NTN1: variants seen among roughly 807,000 people sequenced by gnomAD.
NTN1 encodes the protein netrin-1.
Under a neutral mutation model 54.2 loss-of-function variants are expected in NTN1, and 11 were observed. The observed-to-expected ratio is 0.20, with a 90% CI of 0.13 to 0.34. NTN1 has a LOEUF of 0.34. Among genes scored for constraint, NTN1 ranks in the 10% least tolerant of loss-of-function variants. The pLI is 1.00. For synonymous variants in NTN1, 371 were observed against 382.0 expected (o/e 0.97, Z 0.33); for missense variants, 740 against 893.1 (o/e 0.83, Z 2.18).
chr17:9,123,803 G>GTTTAACT (rs2092237958), intron 2 of NTN1, among the ~76,000 whole-genome samples: 1 of 152,134 alleles, frequency 6.6e-6, no homozygotes, highest in South Asian at 2.1e-4. Flanking sequence ...TCCTATCACA[G>GTTTAACT]TTCTGATTCT....
intron 2 of NTN1, among the ~76,000 whole-genome samples, chr17:9,087,864 C>T (rs527808901): frequency 6.6e-6 from 1 of 152,340 alleles, no homozygotes; most frequent in South Asian, 2.1e-4. Context: ...TTGCAGAATA[C>T]AAAACAGGAG....
At chr17:9,103,473 C>A (rs2092156698) in intron 2 of NTN1, among the ~76,000 whole-genome samples, 1 of 152,030 alleles carries the variant, frequency 6.6e-6, no homozygotes, top group Admixed American at 6.6e-5. Context: ...CTCATGAGAT[C>A]TGATGGTTTT....
chr17:9,220,352 C>T (rs1300501059), intron 5 of NTN1, among the ~76,000 whole-genome samples: 1 of 152,246 alleles, frequency 6.6e-6, no homozygotes, highest in African/African-American at 2.4e-5. Flanking sequence ...GTGGGCTGTG[C>T]CGTCACGTGA....
chr17:9,137,831 G>A (rs1438701722), intron 2 of NTN1, among the ~76,000 whole-genome samples: 1 of 152,186 alleles, frequency 6.6e-6, no homozygotes, highest in Non-Finnish European at 1.5e-5. Flanking sequence ...GGCATCTTGG[G>A]TACTTCCGGC....
chr17:9,057,465 G>A (rs1392788143), intron 2 of NTN1, among the ~76,000 whole-genome samples: 2 of 152,100 alleles, frequency 1.3e-5, no homozygotes, highest in South Asian at 2.1e-4. Flanking sequence ...CTTCCCCGGG[G>A]TTTGCTTTCC....
chr17:9,043,222 T>C (rs559349913), intron 2 of NTN1, among the ~76,000 whole-genome samples: 3 of 152,338 alleles, frequency 2.0e-5, no homozygotes, highest in East Asian at 1.9e-4. Flanking sequence ...TTTCTCACTC[T>C]CTCTTTGCCT....
chr17:9,208,163 C>T (rs1335820984), intron 5 of NTN1, among the ~76,000 whole-genome samples: 1 of 152,184 alleles, frequency 6.6e-6, no homozygotes, highest in Non-Finnish European at 1.5e-5. Flanking sequence ...ACCTGGAAGG[C>T]GGAGGTTGCA....
intron 3 of NTN1, among the ~76,000 whole-genome samples, chr17:9,170,288 G>A (rs777485261): frequency 1.3e-5 from 2 of 152,230 alleles, no homozygotes; most frequent in African/African-American, 4.8e-5. Flanking sequence ...CATGTAGCAT[G>A]CGTTCCATGT....
At chr17:9,014,489 C>A in the NTN1 span, among the ~76,000 whole-genome samples, 1 of 152,202 alleles carries the variant, frequency 6.6e-6, no homozygotes, top group Non-Finnish European at 1.5e-5. Context: ...AATGCAGTGA[C>A]CCCATTTCAC....
intron 2 of NTN1, among the ~76,000 whole-genome samples, chr17:9,100,155 G>T (rs1469237600): frequency 6.9e-6 from 1 of 144,968 alleles, no homozygotes; most frequent in Non-Finnish European, 1.5e-5. Context: ...CATCTTGCTT[G>T]ATGTCTTGTA....
intron 2 of NTN1, among the ~76,000 whole-genome samples, chr17:9,038,625 ATCAG>A (rs2091911315): frequency 6.6e-6 from 1 of 151,960 alleles, no homozygotes; most frequent in Non-Finnish European, 1.5e-5. Context: ...AGGTCTAATA[ATCAG>A]TCAGTCTTTC....
At chr17:9,197,245 T>G (rs1904660585) in intron 5 of NTN1, among the ~76,000 whole-genome samples, 1 of 152,062 alleles carries the variant, frequency 6.6e-6, no homozygotes, top group African/African-American at 2.4e-5. Flanking sequence ...AGTGAGTCAA[T>G]GGCAGAACCG....
At chr17:9,237,672 C>T (rs1025757765) in intron 6 of NTN1, among the ~76,000 whole-genome samples, 1 of 152,204 alleles carries the variant, frequency 6.6e-6, no homozygotes, top group Non-Finnish European at 1.5e-5. Context: ...GCAGAAACAG[C>T]CATATCCCGA....
At chr17:9,180,503 T>C (rs2092415615) in intron 4 of NTN1, among the ~76,000 whole-genome samples, 1 of 152,124 alleles carries the variant, frequency 6.6e-6, no homozygotes, top group Admixed American at 6.5e-5. Context: ...ACACTGAGTC[T>C]CCTGTTTCTG....
At position 9,179,788 on chromosome 17, in the gene NTN1, C is replaced by G; in HGVS notation, c.1208-19C>G. On this transcript the variant is annotated intron_variant, in intron 3 of 6. Transcript: ENST00000173229. ...CCGCTTCCCCCTTGTCTGACCCTCC[C>G]ATTTTGTGTTCTCTGCAGCCTGTGA... is the stretch of plus-strand genomic sequence containing the variant. The G allele has an allele frequency of 1.9e-6, 3 of 1,610,894 alleles. No homozygotes were observed. Among genetic ancestry groups the G allele is most frequent in the Non-Finnish European group, 2.5e-6 (3 of 1,178,482 alleles).
chr17:9,234,695 G>A (rs925318978), intron 6 of NTN1, among the ~76,000 whole-genome samples: 2 of 152,238 alleles, frequency 1.3e-5, no homozygotes, highest in African/African-American at 4.8e-5. Context: ...AGCTCTGGGG[G>A]CAGCAAGGCT....
intron 2 of NTN1, among the ~76,000 whole-genome samples, chr17:9,032,678 G>A (rs925203659): frequency 5.3e-5 from 8 of 152,208 alleles, no homozygotes; most frequent in African/African-American, 1.4e-4. Flanking sequence ...CATCTGAAAC[G>A]TGAAAGTACC....
chr17:9,108,239 GA>G (rs1416227815), intron 2 of NTN1, among the ~76,000 whole-genome samples: 1 of 151,596 alleles, frequency 6.6e-6, no homozygotes, highest in Non-Finnish European at 1.5e-5. Context: ...CTGCTCCCCA[GA>G]CAGATCACCA....
chr17:9,011,839 C>T, the NTN1 span, among the ~76,000 whole-genome samples: 5 of 152,274 alleles, frequency 3.3e-5, no homozygotes, highest in South Asian at 8.3e-4. Context: ...CCACCCACCT[C>T]GGCCCCCCAG....
Sources: gnomAD v4.1 joint callset for allele counts (sites outside exome capture counted in the v4.1 genomes callset) on GRCh38, gnomAD v4.1.1 for gene constraint, MANE v1.5 for transcripts, NCBI Gene and HGNC (gene_info 2026-07-23, HGNC 2026-07-21) for gene names.